FARP1: variants seen among roughly 807,000 people sequenced by gnomAD.
FARP1 encodes FERM, ARH/RhoGEF and pleckstrin domain protein 1.
In FARP1, 52 loss-of-function variants were observed where a neutral mutation model predicts 128.8. The observed-to-expected ratio is 0.40, with a 90% CI of 0.32 to 0.51. The LOEUF is 0.51. FARP1 is among the 20% of genes least tolerant of loss of function. The pLI is 0.45. For missense variants in FARP1, 1,333 were observed against 1,367.9 expected (o/e 0.97, Z 0.40); for synonymous variants, 580 against 551.8 (o/e 1.05, Z -0.72).
At chr13:98,249,953 A>G (rs1354298310) in intron 2 of FARP1, among the ~76,000 whole-genome samples, 1 of 152,216 alleles carries the variant, frequency 6.6e-6, no homozygotes, top group African/African-American at 2.4e-5. Flanking sequence ...ATCAGGGTTT[A>G]GATTGTTGAC....
chr13:98,167,709 C>T (rs114298477), intron 1 of FARP1, among the ~76,000 whole-genome samples: 6 of 152,122 alleles, frequency 3.9e-5, no homozygotes, highest in Middle Eastern at 3.4e-3. Flanking sequence ...TGCGCCTGGC[C>T]GCAAACAGTT....
chr13:98,197,597 A>G (rs1363796632), intron 1 of FARP1, among the ~76,000 whole-genome samples: 3 of 152,170 alleles, frequency 2.0e-5, no homozygotes, highest in Non-Finnish European at 4.4e-5. Flanking sequence ...ACTTCAGCAG[A>G]AAATGGTAGA....
At chr13:98,426,847 A>G (rs530019967) in intron 17 of FARP1, among the ~76,000 whole-genome samples, 2 of 152,372 alleles carry the variant, frequency 1.3e-5, no homozygotes, top group Non-Finnish European at 2.9e-5. Flanking sequence ...TAGAAGGATA[A>G]CAGACATCTT....
chr13:98,376,621 T>C (rs1395082874), intron 5 of FARP1, among the ~76,000 whole-genome samples: 3 of 152,214 alleles, frequency 2.0e-5, no homozygotes, highest in Admixed American at 6.5e-5. Context: ...TTTCCTTTCT[T>C]TTCGGTACAC....
At chr13:98,439,527 T>TG (rs1245322219) in intron 21 of FARP1, among the ~76,000 whole-genome samples, 1 of 152,176 alleles carries the variant, frequency 6.6e-6, no homozygotes, top group African/African-American at 2.4e-5. Context: ...CCACAGCCTG[T>TG]GCCTGGCCCC....
At chr13:98,223,107 G>A (rs1283035356) in intron 2 of FARP1, among the ~76,000 whole-genome samples, 6 of 152,336 alleles carry the variant, frequency 3.9e-5, no homozygotes, top group East Asian at 1.9e-4. Flanking sequence ...AACCCAGGAC[G>A]TAGACCTGAC....
intron 2 of FARP1, among the ~76,000 whole-genome samples, chr13:98,341,595 G>A (rs1353171493): frequency 1.3e-5 from 2 of 152,168 alleles, no homozygotes; most frequent in South Asian, 4.1e-4. Context: ...TCGTGCCACT[G>A]TACTCCAGCC....
chr13:98,322,268 A>C (rs1354299065), intron 2 of FARP1, among the ~76,000 whole-genome samples: 1 of 152,216 alleles, frequency 6.6e-6, no homozygotes, highest in East Asian at 1.9e-4. Flanking sequence ...ATTGCACTCT[A>C]GCTTGGGTGA....
chr13:98,368,259 T>C, intron 5 of FARP1, 64 bp downstream of exon 5: 1 of 1,152,162 alleles, frequency 8.7e-7, no homozygotes, highest in Non-Finnish European at 1.3e-6. Context: ...AAAATGAATG[T>C]TCTCAATTGA....
intron 1 of FARP1, among the ~76,000 whole-genome samples, chr13:98,165,630 C>T (rs990945582): frequency 1.5e-5 from 2 of 136,956 alleles, no homozygotes; most frequent in African/African-American, 5.3e-5. Context: ...GTAATTTTTT[C>T]CCATTAAAAC....
chr13:98,319,630 G>A (rs1218287859), intron 2 of FARP1, among the ~76,000 whole-genome samples: 1 of 152,162 alleles, frequency 6.6e-6, no homozygotes, highest in Non-Finnish European at 1.5e-5. Flanking sequence ...AGAAAAGAAT[G>A]AGTTCACAGC....
At chr13:98,348,813 A>G (rs1888285450) in intron 3 of FARP1, among the ~76,000 whole-genome samples, 1 of 152,196 alleles carries the variant, frequency 6.6e-6, no homozygotes. Flanking sequence ...AACAGGGAGT[A>G]GCCTGGCCGT....
chr13:98,143,871 G>A (rs1225016794), intron 1 of FARP1, among the ~76,000 whole-genome samples: 1 of 151,798 alleles, frequency 6.6e-6, no homozygotes, highest in Non-Finnish European at 1.5e-5. Context: ...GCCGCTTCCG[G>A]ACCTCGGGCC....
intron 3 of FARP1, among the ~76,000 whole-genome samples, chr13:98,354,727 C>T (rs923470993): frequency 6.6e-6 from 1 of 152,154 alleles, no homozygotes; most frequent in Non-Finnish European, 1.5e-5. Context: ...CAGTTTTATT[C>T]ATAACTCCAA....
At chr13:98,318,659 A>G (rs1256764109) in intron 2 of FARP1, among the ~76,000 whole-genome samples, 1 of 152,140 alleles carries the variant, frequency 6.6e-6, no homozygotes, top group Admixed American at 6.5e-5. Flanking sequence ...TTGACCTTGC[A>G]TGGCGCCAGG....
intron 6 of FARP1, among the ~76,000 whole-genome samples, chr13:98,381,383 G>A (rs1390006996): frequency 6.6e-6 from 1 of 152,146 alleles, no homozygotes; most frequent in African/African-American, 2.4e-5. Context: ...CATCTTGTCC[G>A]TCTCTATACA....
intron 1 of FARP1, among the ~76,000 whole-genome samples, chr13:98,195,176 C>G (rs1442986151): frequency 6.6e-6 from 1 of 152,166 alleles, no homozygotes; most frequent in Non-Finnish European, 1.5e-5. Context: ...AGACACTGTG[C>G]TTGGATGTTG....
chr13:98,395,532 C>A, intron 13 of FARP1, 56 bp downstream of exon 13: 1 of 1,518,292 alleles, frequency 6.6e-7, no homozygotes, highest in Non-Finnish European at 8.9e-7. Flanking sequence ...TCATTGACTG[C>A]AGTGACGTAG....
intron 1 of FARP1, among the ~76,000 whole-genome samples, chr13:98,173,122 T>C (rs555217213): frequency 2.0e-5 from 3 of 152,340 alleles, no homozygotes; most frequent in African/African-American, 7.2e-5. Flanking sequence ...CCGAATCAGT[T>C]TGGCATAGAG....
Sources: gnomAD v4.1 joint callset for allele counts (sites outside exome capture counted in the v4.1 genomes callset) on GRCh38, gnomAD v4.1.1 for gene constraint, MANE v1.5 for transcripts, NCBI Gene and HGNC (gene_info 2026-07-23, HGNC 2026-07-21) for gene names.